The following ERI1 variants were observed in gnomAD, a reference collection of about 807,000 sequenced individuals.
ERI1 encodes the protein 3'-5' exoribonuclease 1.
Under a neutral mutation model 39.7 loss-of-function variants are expected in ERI1, and 39 were observed. The observed-to-expected ratio is 0.98, with a 90% CI of 0.76 to 1.28. ERI1 has a LOEUF of 1.28. Ranked by LOEUF, ERI1 falls within the 50% of genes most tolerant of loss-of-function variation. ERI1 has a pLI of 0.00. For synonymous variants in ERI1, 204 were observed against 149.6 expected (o/e 1.36, Z -2.65); for missense variants, 581 against 416.9 (o/e 1.39, Z -3.43).
chr8:9,014,818 T>G (rs941195101), intron 3 of ERI1, among the ~76,000 whole-genome samples: 1 of 152,108 alleles, frequency 6.6e-6, no homozygotes, highest in Non-Finnish European at 1.5e-5. Context: ...CTTTTGAAGT[T>G]CAATTATTCT....
intron 3 of ERI1, among the ~76,000 whole-genome samples, chr8:9,057,581 T>C (rs1386073743): frequency 6.6e-6 from 1 of 152,190 alleles, no homozygotes; most frequent in Non-Finnish European, 1.5e-5. Flanking sequence ...TTATGGGCCC[T>C]TTATGAGCCA....
At chr8:9,013,807 T>G (rs994032957) in intron 3 of ERI1, among the ~76,000 whole-genome samples, 2 of 152,194 alleles carry the variant, frequency 1.3e-5, no homozygotes, top group African/African-American at 4.8e-5. Flanking sequence ...GAGTCATCTT[T>G]GACTCTTGTT....
intron 3 of ERI1, among the ~76,000 whole-genome samples, chr8:9,083,884 C>G (rs572112872): frequency 1.3e-5 from 2 of 152,068 alleles, no homozygotes; most frequent in African/African-American, 2.4e-5. Flanking sequence ...AACTCCGCCT[C>G]CTGGGTTCAC....
intron 3 of ERI1, among the ~76,000 whole-genome samples, chr8:9,038,445 G>C (rs1351632673): frequency 6.6e-6 from 1 of 152,176 alleles, no homozygotes; most frequent in Non-Finnish European, 1.5e-5. Flanking sequence ...ATACATCTTT[G>C]TAACAAGTGT....
intron 3 of ERI1, among the ~76,000 whole-genome samples, chr8:9,042,575 C>T (rs1231134339): frequency 1.3e-5 from 2 of 152,112 alleles, no homozygotes; most frequent in Admixed American, 6.5e-5. Context: ...TTTGTCACAC[C>T]GCAGGCCTTC....
chr8:9,094,311 C>A (rs75838164), intron 3 of ERI1, among the ~76,000 whole-genome samples: 1 of 152,302 alleles, frequency 6.6e-6, no homozygotes, highest in Non-Finnish European at 1.5e-5. Flanking sequence ...GGCAGAGGAT[C>A]ATGCCCTCAT....
intron 3 of ERI1, among the ~76,000 whole-genome samples, chr8:9,014,272 A>G (rs1223116490): frequency 6.6e-6 from 1 of 152,216 alleles, no homozygotes; most frequent in Non-Finnish European, 1.5e-5. Context: ...CTTAGCCAGA[A>G]GTCTTGCTGG....
chr8:9,083,816 CAG>C (rs779064037), intron 3 of ERI1, among the ~76,000 whole-genome samples: 104 of 151,540 alleles, frequency 6.9e-4, no homozygotes, highest in Admixed American at 3.6e-3. Flanking sequence ...TTTTTTGAGA[CAG>C]AGTCTCGCTC....
intron 3 of ERI1, among the ~76,000 whole-genome samples, chr8:9,015,722 C>CAAAAAAAAAAAAAAAAAAAA (rs758835506): frequency 1.8e-5 from 1 of 56,576 alleles, no homozygotes; most frequent in African/African-American, 8.2e-5. Flanking sequence ...ACTCTGTCTC[C>CAAAAAAAAAAAAAAAAAAAA]AAAAAAAAAA....
At chr8:9,052,034 G>T (rs1798372904) in intron 3 of ERI1, among the ~76,000 whole-genome samples, 1 of 152,224 alleles carries the variant, frequency 6.6e-6, no homozygotes. Flanking sequence ...GGGTCGTAGT[G>T]AGAAATGAAA....
intron 5 of ERI1, among the ~76,000 whole-genome samples, chr8:9,018,704 C>G (rs1354447449): frequency 6.6e-6 from 1 of 152,190 alleles, no homozygotes; most frequent in Non-Finnish European, 1.5e-5. Context: ...GACTCTTGAG[C>G]TTGGCCTTGA....
chr8:9,086,217 C>A (rs910275179), intron 3 of ERI1, among the ~76,000 whole-genome samples: 3 of 152,152 alleles, frequency 2.0e-5, no homozygotes, highest in Admixed American at 2.0e-4. Context: ...AGTTCAGGAC[C>A]AGCCTGGACA....
chr8:9,038,359 T>A (rs1405974809), intron 3 of ERI1, among the ~76,000 whole-genome samples: 1 of 152,222 alleles, frequency 6.6e-6, no homozygotes, highest in Non-Finnish European at 1.5e-5. Flanking sequence ...CACATTCACA[T>A]CCAGTTTTCA....
chr8:9,058,105 A>C (rs376174810), intron 3 of ERI1, among the ~76,000 whole-genome samples: 11 of 152,202 alleles, frequency 7.2e-5, no homozygotes, highest in African/African-American at 2.7e-4. Flanking sequence ...TGGCTGCTGC[A>C]TTCAAAACAG....
At chr8:9,025,889 T>G (rs943688131) in intron 6 of ERI1, among the ~76,000 whole-genome samples, 1 of 152,200 alleles carries the variant, frequency 6.6e-6, no homozygotes, top group African/African-American at 2.4e-5. Context: ...AATTCATTTT[T>G]GTTTCATATA....
intron 3 of ERI1, among the ~76,000 whole-genome samples, chr8:9,060,505 TCTC>T (rs1425535675): frequency 6.6e-6 from 1 of 152,080 alleles, no homozygotes; most frequent in Admixed American, 6.6e-5. Context: ...TGAGAAGTGA[TCTC>T]CTTGAGGATA....
At chr8:9,047,064 C>T (rs1241870852) in intron 3 of ERI1, among the ~76,000 whole-genome samples, 1 of 152,170 alleles carries the variant, frequency 6.6e-6, no homozygotes, top group Non-Finnish European at 1.5e-5. Context: ...CGGCTGTTCC[C>T]AACAGGGAAA....
intron 3 of ERI1, among the ~76,000 whole-genome samples, chr8:9,085,101 C>T (rs959942223): frequency 5.9e-5 from 9 of 152,296 alleles, no homozygotes; most frequent in African/African-American, 1.9e-4. Flanking sequence ...GCCTACCAAT[C>T]TGCTTTGTAA....
chr8:9,018,811 C>A (rs968242171), intron 5 of ERI1, among the ~76,000 whole-genome samples: 6 of 152,130 alleles, frequency 3.9e-5, no homozygotes, highest in African/African-American at 1.4e-4. Flanking sequence ...CATGGTTTAC[C>A]CTTTCTCTGT....
Sources: allele counts gnomAD v4.1 joint callset (sites outside exome capture counted in the v4.1 genomes callset), GRCh38; gene constraint gnomAD v4.1.1; transcripts MANE v1.5; gene names NCBI Gene and HGNC (gene_info 2026-07-23, HGNC 2026-07-21).